ACVR1: variants seen among roughly 807,000 people sequenced by gnomAD.
ACVR1 encodes activin A receptor type 1, also known as activin receptor type-1.
In ACVR1, 38 loss-of-function variants were observed where a neutral mutation model predicts 57.1. That is an observed-to-expected ratio of 0.67 (90% CI 0.51 to 0.87). The LOEUF (loss-of-function observed/expected upper bound fraction) is 0.87. Ranked by LOEUF, ACVR1 falls within the 40% of genes least tolerant of loss-of-function variation. ACVR1 has a pLI of 0.00. For missense variants in ACVR1, 463 were observed against 638.2 expected (o/e 0.73, Z 2.96); for synonymous variants, 212 against 228.1 (o/e 0.93, Z 0.63).
At position 157,799,412 on chromosome 2, in the gene ACVR1, ATG is replaced by A; in HGVS notation, c.67+13_67+14del. On this transcript the variant is annotated intron_variant, in intron 3 of 10. Coordinates refer to ENST00000434821, the MANE Select transcript of ACVR1 (RefSeq NM_001111067.4). The stretch of plus-strand genomic sequence containing the variant: ...AGTATACTTATCTTAACCCAAAAAG[ATG>A]TGAGTCACTTACCTTCCATACTAGG... 1.2e-6 allele frequency: 2 copies of A among 1,605,898 alleles called. No homozygotes were observed. Among genetic ancestry groups the A allele is most frequent in the Non-Finnish European group, 1.7e-6 (2 of 1,172,840 alleles).
At chr2:157,749,291 G>A (rs1389757797) in intron 9 of ACVR1, among the ~76,000 whole-genome samples, 3 of 152,170 alleles carry the variant, frequency 2.0e-5, no homozygotes, top group East Asian at 1.9e-4. Flanking sequence ...GGGTGAGAGC[G>A]CACTGTGGGG....
intron 1 of ACVR1, among the ~76,000 whole-genome samples, chr2:157,839,850 C>T (rs2105353935): frequency 6.6e-6 from 1 of 152,244 alleles, no homozygotes; most frequent in South Asian, 2.1e-4. Flanking sequence ...TGAAAGTCCC[C>T]AATATGTGCT....
At position 157,857,727 on chromosome 2, in the gene ACVR1, T is replaced by A. The variant is rs150464204; in HGVS notation, c.-183+18069A>T. Among the ~76,000 whole-genome samples the A allele has an allele frequency of 2.7e-3, 409 of 152,310 alleles. 1 individual carries two copies. The highest frequency in any genetic ancestry group is 9.4e-3 in the African/African-American group (390 of 41,576). On this transcript the variant is annotated intron_variant, in intron 1 of 10. Transcript: ENST00000434821. The stretch of plus-strand genomic sequence containing the variant: ...ATCACAAGCAGCCTTGTCAGCACCG[T>A]AAGAAATCCTAATGACATTTATAAG...
At chr2:157,739,737 T>C (rs1376436898) in intron 9 of ACVR1, among the ~76,000 whole-genome samples, 2 of 152,196 alleles carry the variant, frequency 1.3e-5, no homozygotes, top group East Asian at 3.8e-4. Context: ...TGGGAATCCA[T>C]CCTTACAAAT....
intron 9 of ACVR1, among the ~76,000 whole-genome samples, chr2:157,755,654 G>A (rs1428145796): frequency 6.6e-6 from 1 of 152,076 alleles, no homozygotes; most frequent in Non-Finnish European, 1.5e-5. Context: ...ACTGCTGAAA[G>A]AAATCACAGA....
chr2:157,804,734 C>G (rs1454331488), intron 2 of ACVR1, among the ~76,000 whole-genome samples: 1 of 152,218 alleles, frequency 6.6e-6, no homozygotes, highest in Non-Finnish European at 1.5e-5. Flanking sequence ...TAAATCAATA[C>G]TGTTTCTTAC....
chr2:157,862,763 G>A lies in ACVR1; in HGVS notation c.-183+13033C>T, dbSNP rs1476839613. 3.1e-4 allele frequency among the ~76,000 whole-genome samples: 2 copies of A among 6,464 alleles called. 1 individual carries two copies. The highest frequency in any genetic ancestry group is 3.3e-4 in the African/African-American group (2 of 6,092). The allele number at this position is 6,464 out of a possible 152,430, so 4.2% of individuals were successfully genotyped here. A position where few individuals can be genotyped will look rare whatever the true frequency, so the allele number is the denominator to read the frequency against. On this transcript the variant is annotated intron_variant, in intron 1 of 10. Coordinates refer to ENST00000434821, the MANE Select transcript of ACVR1 (RefSeq NM_001111067.4). ...CGGGCGCCTGTAGTCCCAGCTACTT[G>A]GGAGGCTGAGGCAGGAGAATGGCGT...
At chr2:157,765,820 T>G in intron 8 of ACVR1, 101 bp downstream of exon 8, 1 of 1,263,070 alleles carries the variant, frequency 7.9e-7, no homozygotes, top group Non-Finnish European at 1.1e-6. Context: ...TTCTGCATGT[T>G]TGAAATTTTG....
intron 9 of ACVR1, among the ~76,000 whole-genome samples, chr2:157,755,557 CCA>C (rs1685393537): frequency 1.3e-5 from 2 of 151,636 alleles, no homozygotes; most frequent in African/African-American, 4.8e-5. Flanking sequence ...CCATACCATA[CCA>C]TACCATACCG....
intron 2 of ACVR1, chr2:157,806,945 C>T (rs998836225): frequency 1.3e-5 from 2 of 152,094 alleles, no homozygotes; most frequent in Non-Finnish European, 2.9e-5. Context: ...ATACAAATAG[C>T]TTCTTGGACA....
At position 157,780,527 on chromosome 2, in the gene ACVR1, G is replaced by A; in HGVS notation, c.141C>T (p.His47=). ...AGGAAAAGCACTGCTGGCCTTCACA[G>A]TGGTCCTCATTACCGCAGGAGAGAC... ...CEGLSCGNED[H]CEGQQCFSSL... The change falls in exon 4 of 11, where the codon CAC becomes CAT. Residue 47 remains histidine (H), a synonymous_variant. Transcript: ENST00000434821. 6.2e-7 allele frequency: 1 copy of A among 1,614,004 alleles called. No homozygotes were observed. The highest frequency in any genetic ancestry group is 8.5e-7 in the Non-Finnish European group (1 of 1,180,016).
At chr2:157,812,598 T>C (rs1383177185) in intron 2 of ACVR1, among the ~76,000 whole-genome samples, 1 of 152,224 alleles carries the variant, frequency 6.6e-6, no homozygotes, top group Non-Finnish European at 1.5e-5. Context: ...GCTGAATACA[T>C]GTTGTTACAA....
At chr2:157,833,300 C>A (rs1347972428) in intron 1 of ACVR1, among the ~76,000 whole-genome samples, 1 of 152,126 alleles carries the variant, frequency 6.6e-6, no homozygotes, top group Non-Finnish European at 1.5e-5. Flanking sequence ...GCTCTGTGGA[C>A]TGAAGAGGAA....
At chr2:157,765,868 C>A (rs1685843471) in intron 8 of ACVR1, 53 bp downstream of exon 8, 1 of 1,585,698 alleles carries the variant, frequency 6.3e-7, no homozygotes, top group Admixed American at 1.7e-5. Flanking sequence ...ACTCACCTAA[C>A]CATTGAAACA....
intron 1 of ACVR1, among the ~76,000 whole-genome samples, chr2:157,855,646 G>GC (rs1282571003): frequency 6.6e-6 from 1 of 152,072 alleles, no homozygotes; most frequent in Non-Finnish European, 1.5e-5. Flanking sequence ...CAAAGAGTCA[G>GC]CAACACCGTG....
At chr2:157,840,148 A>G (rs1387178892) in intron 1 of ACVR1, among the ~76,000 whole-genome samples, 2 of 152,220 alleles carry the variant, frequency 1.3e-5, no homozygotes, top group Admixed American at 1.3e-4. Context: ...TACCTTGAAA[A>G]GAGAACCTGC....
intron 9 of ACVR1, 130 bp downstream of exon 9, chr2:157,760,750 G>C: frequency 1.2e-6 from 1 of 863,680 alleles, no homozygotes; most frequent in Non-Finnish European, 1.8e-6. Context: ...AATCAAATAT[G>C]AATGCCTATA....
chr2:157,773,266 A>G (rs1686139971), intron 6 of ACVR1, among the ~76,000 whole-genome samples: 1 of 152,240 alleles, frequency 6.6e-6, no homozygotes, highest in Non-Finnish European at 1.5e-5. Flanking sequence ...GGCACTTTGT[A>G]CCATCTTCCA....
At chr2:157,861,038 C>G (rs1689699916) in intron 1 of ACVR1, among the ~76,000 whole-genome samples, 1 of 152,230 alleles carries the variant, frequency 6.6e-6, no homozygotes, top group Non-Finnish European at 1.5e-5. Flanking sequence ...CTGAAAGCCT[C>G]TGTGCCTAGA....
Sources: gnomAD v4.1 joint callset for allele counts (sites outside exome capture counted in the v4.1 genomes callset) on GRCh38, gnomAD v4.1.1 for gene constraint, MANE v1.5 for transcripts, NCBI Gene and HGNC (gene_info 2026-07-23, HGNC 2026-07-21) for gene names.